GPALPP1: variants seen among roughly 807,000 people sequenced by gnomAD.
GPALPP1 encodes the protein GPALPP motifs-containing protein 1.
GPALPP1 carries 30 observed loss-of-function variants against 38.9 expected under a neutral mutation model. The observed-to-expected ratio is 0.77, with a 90% confidence interval of 0.58 to 1.05. GPALPP1 has a LOEUF of 1.05. Among genes scored for constraint, GPALPP1 ranks in the 50% least tolerant of loss-of-function variants. The pLI is 0.00. For missense variants in GPALPP1, 384 were observed against 408.8 expected, an observed-to-expected ratio of 0.94 and a Z score of 0.52; for synonymous variants, 120 against 139.2, an observed-to-expected ratio of 0.86 and a Z score of 0.97.
At chr13:45,021,640 TAAA>T (rs962109384) in intron 7 of GPALPP1, among the ~76,000 whole-genome samples, 3 of 105,266 alleles carry the variant, frequency 2.8e-5, no homozygotes, top group Non-Finnish European at 6.3e-5. Context: ...AAAAAAAACA[TAAA>T]AAAAAAAAAA....
intron 6 of GPALPP1, among the ~76,000 whole-genome samples, chr13:45,018,495 G>A (rs182377372): frequency 3.9e-4 from 60 of 151,996 alleles, no homozygotes; most frequent in African/African-American, 1.4e-3. Flanking sequence ...CAGTCTTGAC[G>A]ATATCTACTA....
chr13:45,010,754 C>T (rs1346031860), intron 4 of GPALPP1, among the ~76,000 whole-genome samples: 3 of 152,192 alleles, frequency 2.0e-5, no homozygotes, highest in South Asian at 4.1e-4. Flanking sequence ...GAGGCCAAGG[C>T]GGGTGGGTTG....
chr13:45,015,220 C>A, intron 5 of GPALPP1, 137 bp downstream of exon 5: 1 of 607,774 alleles, frequency 1.6e-6, no homozygotes, highest in Non-Finnish European at 2.6e-6. Context: ...GAGTTAGAAC[C>A]CAGAAACTCT....
At chr13:45,019,035 ATAGAAAT>A (rs1566082011) in intron 6 of GPALPP1, among the ~76,000 whole-genome samples, 5 of 41,854 alleles carry the variant, frequency 1.2e-4, no homozygotes, top group East Asian at 6.8e-4. Context: ...AAATATATAC[ATAGAAAT>A]ATATAAATAT....
chr13:44,998,418 C>T (rs1873442273), intron 1 of GPALPP1, among the ~76,000 whole-genome samples: 1 of 152,202 alleles, frequency 6.6e-6, no homozygotes, highest in Non-Finnish European at 1.5e-5. Flanking sequence ...TTTCTGCCCT[C>T]ACCAGTCCAC....
intron 1 of GPALPP1, among the ~76,000 whole-genome samples, chr13:44,992,864 T>C (rs1435046211): frequency 5.3e-5 from 8 of 152,232 alleles, no homozygotes; most frequent in Admixed American, 5.2e-4. Flanking sequence ...GTCACATTGT[T>C]GTGCGGTCAT....
rs1876029073 is a variant in GPALPP1, at chr13:45,028,889, A to AC, written c.*886_*887insC. ...ACATGGTGAAACCCCATCTCTATTA[A>AC]AAATATATATATATAAAAATTAGCC... On this transcript the variant is annotated 3_prime_UTR_variant, in exon 8 of 8. Transcript: ENST00000379151. The AC allele has an allele frequency of 6.6e-6, 1 of 150,572 alleles. No individual in the cohort carries two copies. Among genetic ancestry groups the AC allele is most frequent in the African/African-American group, 2.4e-5 (1 of 41,330 alleles). 9.3% of individuals were successfully genotyped at this position (150,572 alleles called of 1,614,324 possible).
downstream of GPALPP1, chr13:45,034,052 A>G (rs191891863): frequency 1.3e-5 from 2 of 152,240 alleles, no homozygotes; most frequent in African/African-American, 2.4e-5. Flanking sequence ...AGGAATCTGA[A>G]CATGTAGGGT....
chr13:44,991,021 C>T (rs1340659777), intron 1 of GPALPP1, among the ~76,000 whole-genome samples: 4 of 151,962 alleles, frequency 2.6e-5, no homozygotes, highest in African/African-American at 9.7e-5. Context: ...ACCCAGGAGG[C>T]GGAGGTTGCA....
chr13:44,997,472 C>T (rs541481999), intron 1 of GPALPP1, among the ~76,000 whole-genome samples: 1 of 152,260 alleles, frequency 6.6e-6, no homozygotes, highest in African/African-American at 2.4e-5. Context: ...TTGACTCTAA[C>T]TCCAGTCTCC....
intron 1 of GPALPP1, 74 bp downstream of exon 1, chr13:44,989,816 A>G: frequency 2.5e-6 from 3 of 1,204,378 alleles, no homozygotes; most frequent in Non-Finnish European, 3.6e-6. Flanking sequence ...CGCTGAAGAA[A>G]GTCGGAGGCC....
chr13:45,035,550 C>T (rs1015657731), exon 8 of GPALPP1: 7 of 152,126 alleles, frequency 4.6e-5, no homozygotes, highest in African/African-American at 1.7e-4. Flanking sequence ...CTTGTTTCCT[C>T]CTGGGCCTAA....
At chr13:45,003,956 G>GTTTGTTTT (rs1026961215) in intron 1 of GPALPP1, among the ~76,000 whole-genome samples, 2 of 147,800 alleles carry the variant, frequency 1.4e-5, no homozygotes, top group Admixed American at 1.3e-4. Context: ...TTGTTTGTTT[G>GTTTGTTTT]TTTGTTTTTT....
intron 1 of GPALPP1, among the ~76,000 whole-genome samples, chr13:45,002,634 G>C (rs1216723320): frequency 6.6e-6 from 1 of 152,184 alleles, no homozygotes; most frequent in African/African-American, 2.4e-5. Context: ...ATTTTACAAA[G>C]CAAGAGTGTA....
rs1386394532 is a variant in GPALPP1, at chr13:45,029,153, T to G, written c.*1150T>G. On this transcript the variant is annotated 3_prime_UTR_variant, in exon 8 of 8. Coordinates refer to ENST00000379151, the MANE Select transcript of GPALPP1 (RefSeq NM_018559.5). ...GATTTTTAATTGTATTAAACCTATA[T>G]CAATATTCAAATGTGATTTTTGAGG... The G allele has an allele frequency of 2.6e-5, 4 of 152,214 alleles. No individual in the cohort carries two copies. The highest frequency in any genetic ancestry group is 9.6e-5 in the African/African-American group (4 of 41,474). 9.4% of individuals were successfully genotyped at this position (152,214 alleles called of 1,614,324 possible). A position where few individuals can be genotyped will look rare whatever the true frequency, so the allele number is the denominator to read the frequency against.
In GPALPP1 at chr13:44,989,716, A is replaced by T. The variant is rs746462611; in HGVS notation, c.62A>T (p.Glu21Val). 1.2e-6 allele frequency: 2 copies of T among 1,610,518 alleles called. No individual in the cohort carries two copies. Among genetic ancestry groups the T allele is most frequent in the Admixed American group, 3.3e-5 (2 of 60,002 alleles). The change falls in exon 1 of 8, where the codon GAG (glutamate) becomes GTG (valine). Residue 21 changes from glutamate to valine, a missense_variant. Glu to Val is a moderately radical substitution (Grantham distance 121). Transcript: ENST00000379151. Reference protein sequence around the residue: ...PPGFKARGTAEDEERDPSPVA... With the variant: ...PPGFKARGTAVDEERDPSPVA... Reference sequence around the variant, plus strand: ...GGCTTCAAGGCCCGCGGAACAGCGGAGGACGAAGAGCGGGACCCGAGCCCT... The same window carrying T: ...GGCTTCAAGGCCCGCGGAACAGCGGTGGACGAAGAGCGGGACCCGAGCCCT...
In GPALPP1 at chr13:44,989,555, G is replaced by A; in HGVS notation, c.-100G>A. The A allele has an allele frequency of 2.0e-6, 3 of 1,496,522 alleles. No individual in the cohort carries two copies. Among genetic ancestry groups the A allele is most frequent in the Non-Finnish European group, 9.2e-7 (1 of 1,082,264 alleles). 92.7% of individuals were successfully genotyped at this position (1,496,522 alleles called of 1,614,324 possible). ...GGCTTTACGTCATTTCTCGGCGCCG[G>A]GAAACCTGCCATTCTTCGCTGCTGA... On this transcript the variant is annotated 5_prime_UTR_variant, in exon 1 of 8. Coordinates refer to ENST00000379151, the MANE Select transcript of GPALPP1 (RefSeq NM_018559.5).
chr13:44,995,198 A>ACACACACACACT (rs1873170282), intron 1 of GPALPP1, among the ~76,000 whole-genome samples: 1 of 35,266 alleles, frequency 2.8e-5, no homozygotes, highest in Non-Finnish European at 1.2e-4. Flanking sequence ...ACACACACAC[A>ACACACACACACT]CACACCCCTT....
chr13:45,006,849 G>A (rs1052924872), intron 3 of GPALPP1, among the ~76,000 whole-genome samples: 2 of 152,010 alleles, frequency 1.3e-5, no homozygotes, highest in African/African-American at 4.8e-5. Flanking sequence ...TAATTTATAT[G>A]GAGCCTGGCA....
Sources: gnomAD v4.1 joint callset for allele counts (sites outside exome capture counted in the v4.1 genomes callset) on GRCh38, gnomAD v4.1.1 for gene constraint, MANE v1.5 for transcripts, NCBI Gene and HGNC (gene_info 2026-07-23, HGNC 2026-07-21) for gene names.